The following TTC7B variants were observed in gnomAD, a reference collection of about 807,000 sequenced individuals.
TTC7B encodes the protein tetratricopeptide repeat domain 7B, also known as tetratricopeptide repeat protein 7B.
A neutral mutation model predicts 106.8 loss-of-function variants in TTC7B; 28 were observed. That is an observed-to-expected ratio of 0.26 (90% CI 0.19 to 0.36). The LOEUF (loss-of-function observed/expected upper bound fraction) is 0.36. Ranked by LOEUF, TTC7B falls within the 10% of genes least tolerant of loss-of-function variation. TTC7B has a pLI of 1.00. For synonymous variants in TTC7B, 405 were observed against 430.6 expected (o/e 0.94, Z 0.74); for missense variants, 862 against 1,076.4 (o/e 0.80, Z 2.79).
chr14:90,680,628 T>A, intron 7 of TTC7B, 93 bp from the exon 8 acceptor site: 1 of 846,478 alleles, frequency 1.2e-6, no homozygotes, highest in Non-Finnish European at 1.9e-6. Context: ...CAGAATTTTA[T>A]ATAATACCCA....
intron 2 of TTC7B, 89 bp from the exon 3 acceptor site, chr14:90,780,995 C>A: frequency 9.1e-7 from 1 of 1,098,818 alleles, no homozygotes; most frequent in Non-Finnish European, 1.4e-6. Flanking sequence ...TGCCGTAAAA[C>A]CCCACAGCTC....
intron 3 of TTC7B, among the ~76,000 whole-genome samples, chr14:90,750,138 C>T (rs999493790): frequency 1.3e-5 from 2 of 152,176 alleles, no homozygotes; most frequent in African/African-American, 4.8e-5. Flanking sequence ...AAAAGCAAAT[C>T]GCAGATTTGG....
chr14:90,780,823 G>A lies in TTC7B; in HGVS notation c.360C>T (p.Tyr120=), dbSNP rs772360591. 1.5e-5 allele frequency: 24 copies of A among 1,614,160 alleles called. No individual in the cohort carries two copies. Among genetic ancestry groups the A allele is most frequent in the African/African-American group, 4.0e-5 (3 of 74,956 alleles). The change falls in exon 3 of 20, where the codon TAC becomes TAT. Residue 120 remains tyrosine, a synonymous_variant. Transcript: ENST00000328459. ...GCAGATCGTCCAGGCCCACCCGGGCGTAAATGTTCAGAGCTTCTTTATAAT... is the reference window on the plus strand; with the variant it reads ...GCAGATCGTCCAGGCCCACCCGGGCATAAATGTTCAGAGCTTCTTTATAAT... The part of the protein sequence containing the change: ...EGDYKEALNI[Y]ARVGLDDLPL...
intron 1 of TTC7B, among the ~76,000 whole-genome samples, chr14:90,793,664 A>C (rs1891667145): frequency 6.8e-6 from 1 of 147,344 alleles, no homozygotes; most frequent in South Asian, 2.1e-4. Flanking sequence ...GCTGGAGTGC[A>C]ATGGCACGTC....
intron 18 of TTC7B, among the ~76,000 whole-genome samples, chr14:90,586,621 C>T (rs1176591763): frequency 6.6e-6 from 1 of 152,232 alleles, no homozygotes. Context: ...GGCCCTTTCA[C>T]TTCTCCACCT....
At chr14:90,590,983 A>T (rs1408251854) in intron 18 of TTC7B, among the ~76,000 whole-genome samples, 2 of 152,076 alleles carry the variant, frequency 1.3e-5, no homozygotes, top group African/African-American at 4.8e-5. Flanking sequence ...GGAGAACTTG[A>T]CTCTGTCCTA....
At chr14:90,654,018 A>G (rs1196111469) in intron 12 of TTC7B, among the ~76,000 whole-genome samples, 1 of 152,246 alleles carries the variant, frequency 6.6e-6, no homozygotes, top group East Asian at 1.9e-4. Context: ...TTGAAAAGTA[A>G]TTAATATGCA....
chr14:90,619,684 T>G (rs1317580147), intron 15 of TTC7B, among the ~76,000 whole-genome samples: 1 of 152,172 alleles, frequency 6.6e-6, no homozygotes, highest in Admixed American at 6.5e-5. Context: ...AGGCAGGTGG[T>G]GTCTAACACT....
chr14:90,661,599 C>G (rs752935769), intron 9 of TTC7B, among the ~76,000 whole-genome samples: 1 of 151,482 alleles, frequency 6.6e-6, no homozygotes, highest in Admixed American at 6.6e-5. Flanking sequence ...AAATAAGACA[C>G]GGGAGCCGGT....
intron 15 of TTC7B, 101 bp downstream of exon 15, chr14:90,643,946 AG>A: frequency 7.3e-7 from 1 of 1,363,386 alleles, no homozygotes. Flanking sequence ...ATTGACTGCC[AG>A]GGTGTCCATG....
chr14:90,615,022 G>A (rs4904708), intron 16 of TTC7B, among the ~76,000 whole-genome samples: 23,143 of 152,142 alleles, frequency 0.15, 1,823 homozygotes, highest in South Asian at 0.23. Context: ...CAGACCGAGA[G>A]AAATAGAATC....
At chr14:90,588,221 CGCCAG>C (rs912964544) in intron 18 of TTC7B, among the ~76,000 whole-genome samples, 11 of 152,098 alleles carry the variant, frequency 7.2e-5, no homozygotes, top group East Asian at 1.9e-4. Context: ...TGGGCAAAGG[CGCCAG>C]GCCAGGCCAG....
Position 90,578,935 on chromosome 14 carries a change from A to G in TTC7B, c.2108-627T>C, listed in dbSNP as rs76868806. Among the ~76,000 whole-genome samples, 2,419 of 152,286 alleles carry G rather than the reference A, an allele frequency of 0.016. 70 individuals are homozygous for G. The highest frequency in any genetic ancestry group is 0.055 in the African/African-American group (2,288 of 41,556). ...AGTGACAAAGCCCTTTGACAAGCCA[A>G]GCTATCGCTTTTAAAACAAGCAGGA... On this transcript the variant is annotated intron_variant, in intron 18 of 19. Transcript: ENST00000328459. The surrounding 1 kb of genome is among the most constrained non-coding windows in gnomAD (Gnocchi z 4.7).
chr14:90,547,490 C>CT, intron 19 of TTC7B, among the ~76,000 whole-genome samples: 1 of 152,332 alleles, frequency 6.6e-6, no homozygotes, highest in East Asian at 1.9e-4. Flanking sequence ...AGGCAGAAGC[C>CT]TGCAGGACAG....
chr14:90,801,334 C>G (rs1435430641), intron 1 of TTC7B, among the ~76,000 whole-genome samples: 1 of 151,984 alleles, frequency 6.6e-6, no homozygotes, highest in African/African-American at 2.4e-5. Context: ...AACGCGAAAC[C>G]ACTGACACTT....
intron 15 of TTC7B, among the ~76,000 whole-genome samples, chr14:90,619,550 T>A (rs1025020981): frequency 6.6e-6 from 1 of 152,170 alleles, no homozygotes; most frequent in Non-Finnish European, 1.5e-5. Context: ...TAGCTGGCAT[T>A]TGTTGTTAAT....
At chr14:90,612,017 A>C (rs1892896353) in intron 16 of TTC7B, among the ~76,000 whole-genome samples, 1 of 152,170 alleles carries the variant, frequency 6.6e-6, no homozygotes. Flanking sequence ...TCCTTCCTTT[A>C]TGCAGCTGTT....
chr14:90,668,976 A>G (rs536231512), intron 9 of TTC7B, among the ~76,000 whole-genome samples: 53 of 152,230 alleles, frequency 3.5e-4, no homozygotes, highest in Admixed American at 3.1e-3. Context: ...CTACTAAGCT[A>G]CAGAAATTAA....
At chr14:90,775,495 G>A (rs1226615047) in intron 3 of TTC7B, among the ~76,000 whole-genome samples, 1 of 152,126 alleles carries the variant, frequency 6.6e-6, no homozygotes, top group Non-Finnish European at 1.5e-5. Context: ...CCACTGCATG[G>A]AAGAGCAATT....
Sources: gnomAD v4.1 joint callset for allele counts (sites outside exome capture counted in the v4.1 genomes callset) on GRCh38, gnomAD v4.1.1 for gene constraint, Gnocchi (gnomAD v3.1) non-coding constraint, MANE v1.5 for transcripts, NCBI Gene and HGNC (gene_info 2026-07-23, HGNC 2026-07-21) for gene names.